Variants in WWOX observed in about 807,000 individuals in gnomAD.
WWOX encodes WW domain-containing oxidoreductase.
WWOX carries 69 observed loss-of-function variants against 46.2 expected under a neutral mutation model. The observed-to-expected ratio is 1.49, with a 90% CI of 1.23 to 1.82. The LOEUF is 1.82. WWOX is among the 40% of genes most tolerant of loss of function. The pLI, the probability that WWOX is intolerant of heterozygous loss-of-function variation, is 0.00. For missense variants in WWOX, 919 were observed against 542.6 expected (o/e 1.69, Z -6.89); for synonymous variants, 359 against 202.6 (o/e 1.77, Z -6.56).
chr16:79,130,187 A>G (rs1380634325), intron 8 of WWOX, among the ~76,000 whole-genome samples: 2 of 152,192 alleles, frequency 1.3e-5, no homozygotes, highest in African/African-American at 4.8e-5. Flanking sequence ...TCAAACCCAG[A>G]GTGTCTGATT....
intron 8 of WWOX, among the ~76,000 whole-genome samples, chr16:78,775,004 G>T (rs932805819): frequency 1.3e-5 from 2 of 152,148 alleles, no homozygotes; most frequent in East Asian, 3.9e-4. Flanking sequence ...TAGAAAGGTA[G>T]GTAAGTTGGG....
chr16:78,360,606 G>C, intron 5 of WWOX, among the ~76,000 whole-genome samples: 1 of 48,536 alleles, frequency 2.1e-5, no homozygotes, highest in Non-Finnish European at 5.4e-5. Flanking sequence ...AAAAGTTGCA[G>C]AAATAGCAAT....
intron 5 of WWOX, among the ~76,000 whole-genome samples, chr16:78,184,739 G>A (rs1161802590): frequency 6.6e-6 from 1 of 152,148 alleles, no homozygotes; most frequent in Non-Finnish European, 1.5e-5. Context: ...CACCGTAAAA[G>A]CAAGTCTGGG....
chr16:78,974,290 A>C (rs1359713434), intron 8 of WWOX, among the ~76,000 whole-genome samples: 1 of 152,132 alleles, frequency 6.6e-6, no homozygotes, highest in Non-Finnish European at 1.5e-5. Context: ...AAAGCAGTTA[A>C]ATGAATAACC....
intron 8 of WWOX, among the ~76,000 whole-genome samples, chr16:78,804,033 A>G (rs1294752472): frequency 6.6e-6 from 1 of 152,088 alleles, no homozygotes; most frequent in African/African-American, 2.4e-5. Context: ...TCACTATGAG[A>G]TGGAAACACT....
intron 8 of WWOX, among the ~76,000 whole-genome samples, chr16:79,145,753 G>A (rs2050172320): frequency 6.6e-6 from 1 of 152,158 alleles, no homozygotes. Context: ...TTGAAGAGTT[G>A]GCTAGATGTA....
At chr16:78,643,083 A>T (rs970298261) in intron 8 of WWOX, among the ~76,000 whole-genome samples, 1 of 152,166 alleles carries the variant, frequency 6.6e-6, no homozygotes, top group African/African-American at 2.4e-5. Flanking sequence ...ATAAGCCAAG[A>T]TAAGGTGCTC....
At chr16:78,947,784 T>C (rs1440434910) in intron 8 of WWOX, among the ~76,000 whole-genome samples, 2 of 152,300 alleles carry the variant, frequency 1.3e-5, no homozygotes, top group East Asian at 1.9e-4. Flanking sequence ...AGGGGCTAAA[T>C]TGGAAACCTA....
At chr16:78,290,985 A>G (rs2079848688) in intron 5 of WWOX, among the ~76,000 whole-genome samples, 1 of 152,232 alleles carries the variant, frequency 6.6e-6, no homozygotes, top group Non-Finnish European at 1.5e-5. Flanking sequence ...CCTTTAAGAA[A>G]TATGACTTGT....
At chr16:78,277,990 G>C (rs759505995) in intron 5 of WWOX, among the ~76,000 whole-genome samples, 2 of 152,220 alleles carry the variant, frequency 1.3e-5, no homozygotes, top group African/African-American at 2.4e-5. Context: ...TAACCAAGGT[G>C]ATGATCTTAT....
At chr16:79,022,000 G>C (rs557572134) in intron 8 of WWOX, among the ~76,000 whole-genome samples, 1 of 152,350 alleles carries the variant, frequency 6.6e-6, no homozygotes, top group East Asian at 1.9e-4. Context: ...CTGGATAAAT[G>C]ATAGGGATTG....
intron 8 of WWOX, among the ~76,000 whole-genome samples, chr16:78,578,151 G>T (rs1567657157): frequency 6.7e-6 from 1 of 149,352 alleles, no homozygotes. Context: ...TGTTGTTGAT[G>T]CTTTTTTGCC....
chr16:78,659,466 G>A (rs986386263), intron 8 of WWOX, among the ~76,000 whole-genome samples: 9 of 152,074 alleles, frequency 5.9e-5, no homozygotes, highest in Admixed American at 5.2e-4. Context: ...GTAGGGCTCA[G>A]CAATCTAGTT....
At chr16:78,600,798 A>T (rs187605488) in intron 8 of WWOX, among the ~76,000 whole-genome samples, 309 of 152,226 alleles carry the variant, frequency 2.0e-3, no homozygotes, top group Non-Finnish European at 3.5e-3. Flanking sequence ...GGAGTGCTCA[A>T]CCCTTTGAAT....
intron 8 of WWOX, chr16:78,825,192 G>T (rs974670881): frequency 6.3e-6 from 1 of 158,026 alleles, no homozygotes; most frequent in Admixed American, 6.4e-5. Flanking sequence ...TCCATGGGCA[G>T]CGTCTTCTTA....
chr16:78,708,941 G>C (rs1471672240), intron 8 of WWOX, among the ~76,000 whole-genome samples: 2 of 152,196 alleles, frequency 1.3e-5, no homozygotes, highest in East Asian at 1.9e-4. Flanking sequence ...GGCAGGGAAA[G>C]AGTTCAAAAC....
chr16:78,639,408 G>A (rs991453417), intron 8 of WWOX, among the ~76,000 whole-genome samples: 1 of 152,138 alleles, frequency 6.6e-6, no homozygotes, highest in Admixed American at 6.5e-5. Flanking sequence ...CTCTCACTTT[G>A]CAGATGAGGA....
At chr16:79,031,842 TTATTA>T (rs2047762715) in intron 8 of WWOX, among the ~76,000 whole-genome samples, 2 of 134,898 alleles carry the variant, frequency 1.5e-5, no homozygotes, top group East Asian at 2.1e-4. Context: ...TATATATATC[TTATTA>T]TATATTATAT....
chr16:79,197,890 G>C (rs1282494370), intron 8 of WWOX, among the ~76,000 whole-genome samples: 3 of 152,164 alleles, frequency 2.0e-5, no homozygotes, highest in Non-Finnish European at 4.4e-5. Flanking sequence ...TTTCCAATCA[G>C]CAGGAAGTTA....
Sources: gnomAD v4.1 joint callset for allele counts (sites outside exome capture counted in the v4.1 genomes callset) on GRCh38, gnomAD v4.1.1 for gene constraint, MANE v1.5 for transcripts, NCBI Gene and HGNC (gene_info 2026-07-23, HGNC 2026-07-21) for gene names.